The following SPTBN4 variants were observed in gnomAD, a reference collection of about 807,000 sequenced individuals.
The protein encoded by SPTBN4 is spectrin beta, non-erythrocytic 4, also known as spectrin beta chain, non-erythrocytic 4.
SPTBN4 carries 96 observed loss-of-function variants against 277.8 expected under a neutral mutation model. That is an observed-to-expected ratio of 0.35 (90% confidence interval 0.29 to 0.41). The LOEUF (loss-of-function observed/expected upper bound fraction) is 0.41, where lower values mean the gene tolerates loss of function less well. Ranked by LOEUF, SPTBN4 falls within the 10% of genes least tolerant of loss-of-function variation. The pLI is 1.00. For synonymous variants in SPTBN4, 1,481 were observed against 1,580.3 expected (o/e 0.94, Z 1.49); for missense variants, 3,006 against 3,595.7 (o/e 0.84, Z 4.19).
chr19:40,496,147 T>TTTTA (rs952996145), intron 6 of SPTBN4, among the ~76,000 whole-genome samples: 5 of 152,098 alleles, frequency 3.3e-5, no homozygotes, highest in African/African-American at 9.7e-5. Flanking sequence ...CAGGTGCTAT[T>TTTTA]TTTATTTATT....
chr19:40,558,258 G>A (rs1045426468), intron 26 of SPTBN4, among the ~76,000 whole-genome samples: 16 of 151,814 alleles, frequency 1.1e-4, no homozygotes, highest in African/African-American at 3.6e-4. Flanking sequence ...ACAGGAGACT[G>A]AGGCAGGAGA....
chr19:40,513,299 C>A lies in SPTBN4; in HGVS notation c.2510C>A (p.Ala837Glu). The change falls in exon 14 of 36, where the codon GCG becomes GAG. Residue 837 changes from alanine (A) to glutamate (E), a missense_variant. Around this residue, in one of 5 missense-constraint regions of SPTBN4, gnomAD observed 1,759 missense variants for 2,061.5 expected, o/e 0.85. Coordinates refer to ENST00000598249, the MANE Select transcript of SPTBN4 (RefSeq NM_020971.3). The part of the protein sequence containing the change: ...GPVSGLRRQL[A>E]TLGGASGAGP... ...GTGAGCGGCCTGCGGCGCCAGCTGG[C>A]GACACTCGGGGGTGCCAGTGGCGCA... 2 of 1,554,930 alleles carry A rather than the reference C, an allele frequency of 1.3e-6. No homozygotes were observed. Among genetic ancestry groups the A allele is most frequent in the Non-Finnish European group, 1.7e-6 (2 of 1,154,192 alleles).
chr19:40,530,613 G>A, intron 18 of SPTBN4: 2 of 972,182 alleles, frequency 2.1e-6, no homozygotes, highest in Non-Finnish European at 2.4e-6. Context: ...CCCAGGGGAG[G>A]GGGTTGGCGC....
At chr19:40,569,278 T>TA (rs2081126293) in intron 31 of SPTBN4, among the ~76,000 whole-genome samples, 2 of 151,718 alleles carry the variant, frequency 1.3e-5, no homozygotes, top group Admixed American at 1.3e-4. Context: ...ATGCAAAAAT[T>TA]AGCCGGCATG....
intron 1 of SPTBN4, among the ~76,000 whole-genome samples, chr19:40,472,134 C>T (rs1367473720): frequency 6.6e-6 from 1 of 152,002 alleles, no homozygotes; most frequent in Non-Finnish European, 1.5e-5. Context: ...ATCTCGAACT[C>T]CCAACCTCAG....
chr19:40,518,428 T>C (rs2080484567), intron 15 of SPTBN4, among the ~76,000 whole-genome samples: 1 of 152,192 alleles, frequency 6.6e-6, no homozygotes, highest in Non-Finnish European at 1.5e-5. Context: ...AAAATGTTTT[T>C]ATTTTTATTT....
Position 40,567,847 on chromosome 19 carries a change from C to G in SPTBN4, c.6521C>G (p.Thr2174Ser). 2.6e-6 allele frequency: 4 copies of G among 1,523,894 alleles called. No homozygotes were observed. The highest frequency in any genetic ancestry group is 3.5e-6 in the Non-Finnish European group (4 of 1,136,014). 94.4% of individuals were successfully genotyped at this position (1,523,894 alleles called of 1,614,324 possible). ...GACACGCTCTCGGCCGAGGTGCGGA[C>G]TCGGGTGGGGTATGTGCGCCAGGAG... is the stretch of plus-strand genomic sequence containing the variant. The part of the protein sequence containing the change: ...ASDTLSAEVR[T>S]RVGYVRQELK... Residue 2174 changes from threonine to serine, a missense_variant, in exon 31 of 36, where the codon ACT (threonine) becomes AGT (serine). Thr to Ser is a moderately conservative substitution (Grantham distance 58). This residue lies in a region of SPTBN4 where 630 missense variants were observed against 677.6 expected (regional missense o/e 0.93). Coordinates refer to ENST00000598249, the MANE Select transcript of SPTBN4 (RefSeq NM_020971.3).
Position 40,567,798 on chromosome 19 carries a change from G to A in SPTBN4, c.6472G>A (p.Glu2158Lys). The A allele has an allele frequency of 6.6e-7, 1 of 1,511,158 alleles. No individual in the cohort carries two copies. Among genetic ancestry groups the A allele is most frequent in the Non-Finnish European group, 8.9e-7 (1 of 1,128,188 alleles). The allele number at this position is 1,511,158 out of a possible 1,614,324, so 93.6% of individuals were successfully genotyped here. A position where few individuals can be genotyped will look rare whatever the true frequency, so the allele number is the denominator to read the frequency against. Reference sequence around the variant, plus strand: ...GCCAGGGGGCTATGAAAGGGGCTTGGAGCCCCTGGCCCGCCGAGCCTCGGA... The same window carrying A: ...GCCAGGGGGCTATGAAAGGGGCTTGAAGCCCCTGGCCCGCCGAGCCTCGGA... ...LRPGGYERGL[E>K]PLARRASDTL... The change falls in exon 31 of 36, where the codon GAG becomes AAG. Residue 2158 changes from glutamate (E) to lysine (K), a missense_variant. Around this residue, in one of 5 missense-constraint regions of SPTBN4, gnomAD observed 630 missense variants for 677.6 expected, o/e 0.93. Coordinates refer to ENST00000598249, the MANE Select transcript of SPTBN4 (RefSeq NM_020971.3).
Position 40,502,109 on chromosome 19 carries a change from C to A in SPTBN4, c.898-19C>A, listed in dbSNP as rs527438323. On this transcript the variant is annotated intron_variant, in intron 8 of 35. Transcript: ENST00000598249. The surrounding 1 kb of genome is among the most constrained non-coding windows in gnomAD (Gnocchi z 4.9). ...GCACGGGTGGGATGAGGCTGACCCC[C>A]CTTCCTCTGCTGTGTCAGGTCTTGG... is the stretch of plus-strand genomic sequence containing the variant. 1.9e-6 allele frequency: 3 copies of A among 1,613,124 alleles called. No homozygotes were observed. Among genetic ancestry groups the A allele is most frequent in the Non-Finnish European group, 2.5e-6 (3 of 1,179,666 alleles).
intron 16 of SPTBN4, among the ~76,000 whole-genome samples, chr19:40,523,213 GT>G (rs1446291522): frequency 8.5e-5 from 13 of 152,192 alleles, no homozygotes; most frequent in African/African-American, 3.1e-4. Flanking sequence ...TGGCAGGTTG[GT>G]CAGAGACCTG....
intron 1 of SPTBN4, among the ~76,000 whole-genome samples, chr19:40,469,070 G>A (rs374461413): frequency 4.0e-5 from 6 of 151,632 alleles, no homozygotes; most frequent in African/African-American, 1.5e-4. Flanking sequence ...CTGCACTCTA[G>A]CCTGGGTGAT....
At chr19:40,476,203 G>T (rs928560691) in intron 2 of SPTBN4, among the ~76,000 whole-genome samples, 1 of 152,036 alleles carries the variant, frequency 6.6e-6, no homozygotes, top group Non-Finnish European at 1.5e-5. Context: ...AAATTAGCTG[G>T]GTGTGGTGGC....
chr19:40,554,433 C>G lies in SPTBN4; in HGVS notation c.4953+8C>G. 2 of 1,550,556 alleles carry G rather than the reference C, an allele frequency of 1.3e-6. No homozygotes were observed. Among genetic ancestry groups the G allele is most frequent in the Non-Finnish European group, 1.7e-6 (2 of 1,144,968 alleles). On this transcript the variant is annotated splice_region_variant and intron_variant, in intron 23 of 35. Coordinates refer to ENST00000598249, the MANE Select transcript of SPTBN4 (RefSeq NM_020971.3). This position sits in a 1 kb window ranked among gnomAD's most constrained non-coding sequence, Gnocchi z 5.7. ...AGTGAGGACAAGGGCAAGGTGCGCC[C>G]GAGCTGGGGGTGCGGAGGGCCTGGG...
intron 30 of SPTBN4, 82 bp downstream of exon 30, chr19:40,566,441 C>G (rs913749949): frequency 1.6e-6 from 2 of 1,280,056 alleles, no homozygotes; most frequent in Non-Finnish European, 2.1e-6. Context: ...ACAGACACAC[C>G]GAGACATGGT....
At chr19:40,535,953 C>T (rs2080730419) in intron 20 of SPTBN4, among the ~76,000 whole-genome samples, 2 of 151,788 alleles carry the variant, frequency 1.3e-5, no homozygotes, top group African/African-American at 4.8e-5. Flanking sequence ...GAGCGAGACT[C>T]CATCTCAAAA....
At chr19:40,571,393 G>A (rs868233524) in intron 33 of SPTBN4, among the ~76,000 whole-genome samples, 30 of 152,182 alleles carry the variant, frequency 2.0e-4, no homozygotes, top group African/African-American at 6.8e-4. Context: ...GCTCCTGCTT[G>A]TCCACCCTCT....
At chr19:40,571,776 T>G in intron 33 of SPTBN4, 1 of 402,588 alleles carries the variant, frequency 2.5e-6, no homozygotes, top group Non-Finnish European at 4.4e-6. Context: ...AAATTCAGTA[T>G]GGGAGGGGAT....
intron 35 of SPTBN4, 175 bp downstream of exon 35, chr19:40,572,555 G>A (rs1599828191): frequency 5.4e-6 from 4 of 734,648 alleles, no homozygotes; most frequent in Admixed American, 2.8e-5. Flanking sequence ...TAACCCAGTG[G>A]GGAGTGGGAA....
At position 40,519,496 on chromosome 19, in the gene SPTBN4, G is replaced by A. The variant is rs1274203270; in HGVS notation, c.2999G>A (p.Arg1000His). 4 of 1,609,196 alleles carry A rather than the reference G, an allele frequency of 2.5e-6. No individual in the cohort carries two copies. The Admixed American group carries it at 5.1e-5, about 20-fold the overall frequency. ...ENHVLEVAEV[R>H]AQVREKRRAV... ...CACGTGCTGGAGGTGGCCGAGGTGCGCGCCCAGGTGCGTGAGAAGCGGAGA... is the reference window on the plus strand; with the variant it reads ...CACGTGCTGGAGGTGGCCGAGGTGCACGCCCAGGTGCGTGAGAAGCGGAGA... Residue 1000 changes from arginine to histidine, a missense_variant, in exon 16 of 36, where the codon CGC becomes CAC. Transcript: ENST00000598249. The surrounding 1 kb of genome is among the most constrained non-coding windows in gnomAD (Gnocchi z 5.7).
Sources: gnomAD v4.1 joint callset for allele counts (sites outside exome capture counted in the v4.1 genomes callset) on GRCh38, gnomAD v4.1.1 for gene constraint, gnomAD v4.1.1 regional missense constraint, Gnocchi (gnomAD v3.1) non-coding constraint, MANE v1.5 for transcripts, NCBI Gene and HGNC (gene_info 2026-07-23, HGNC 2026-07-21) for gene names.